The following RANBP2 variants were observed in gnomAD, a reference collection of about 807,000 sequenced individuals.
RANBP2 encodes E3 SUMO-protein ligase RanBP2.
RANBP2 carries 57 observed loss-of-function variants against 303.6 expected under a neutral mutation model. The observed-to-expected ratio is 0.19, with a 90% CI of 0.15 to 0.23. The LOEUF is 0.23. RANBP2 is among the 10% of genes least tolerant of loss of function. RANBP2 has a pLI of 1.00. For missense variants in RANBP2, 3,138 were observed against 3,780.8 expected (o/e 0.83, Z 4.46); for synonymous variants, 1,167 against 1,301.5 (o/e 0.90, Z 2.23).
chr2:109,259,259 C>G, the RANBP2 span, among the ~76,000 whole-genome samples: 1 of 152,244 alleles, frequency 6.6e-6, no homozygotes, highest in Non-Finnish European at 1.5e-5. Flanking sequence ...GCACCCAGAC[C>G]TGCAGCTGCT....
At chr2:109,332,653 T>C in the RANBP2 span, among the ~76,000 whole-genome samples, 9 of 152,108 alleles carry the variant, frequency 5.9e-5, no homozygotes, top group Non-Finnish European at 1.2e-4. Flanking sequence ...ATCCTCTAAT[T>C]TGCCAGGCAG....
chr2:108,939,241 G>A, the RANBP2 span, among the ~76,000 whole-genome samples: 5 of 152,012 alleles, frequency 3.3e-5, no homozygotes, highest in South Asian at 2.1e-4. Flanking sequence ...GTAGTGGCAC[G>A]ATCTCAGCTC....
chr2:109,331,359 C>T, the RANBP2 span, among the ~76,000 whole-genome samples: 55,983 of 151,898 alleles, frequency 0.37, 11,880 homozygotes, highest in Non-Finnish European at 0.48. Context: ...CTGCCTCCCT[C>T]CTCTCCCCTT....
the RANBP2 span, among the ~76,000 whole-genome samples, chr2:109,441,917 T>C: frequency 6.6e-6 from 1 of 152,028 alleles, no homozygotes; most frequent in African/African-American, 2.4e-5. Context: ...AATATAGCTG[T>C]CAATCTAGTA....
chr2:108,819,049 A>G, the RANBP2 span, among the ~76,000 whole-genome samples: 1 of 152,344 alleles, frequency 6.6e-6, no homozygotes, highest in South Asian at 2.1e-4. Context: ...ACAAGTAAAG[A>G]TTGTAAAATT....
downstream of RANBP2, chr2:108,788,715 G>T: frequency 1.6e-6 from 2 of 1,229,616 alleles, no homozygotes; most frequent in Non-Finnish European, 2.2e-6. Context: ...GCGAGACTCC[G>T]TCTCAAAGAA....
chr2:109,183,893 G>T, the RANBP2 span, among the ~76,000 whole-genome samples: 1 of 152,210 alleles, frequency 6.6e-6, no homozygotes, highest in Non-Finnish European at 1.5e-5. Flanking sequence ...AGGAAAGTGG[G>T]CTCTAGAATC....
the RANBP2 span, among the ~76,000 whole-genome samples, chr2:109,184,184 C>T: frequency 2.6e-5 from 4 of 152,152 alleles, no homozygotes; most frequent in Non-Finnish European, 5.9e-5. Context: ...TGGGTAAATC[C>T]ATATCTCCTC....
At chr2:109,157,163 A>G in the RANBP2 span, among the ~76,000 whole-genome samples, 1 of 152,142 alleles carries the variant, frequency 6.6e-6, no homozygotes, top group African/African-American at 2.4e-5. Context: ...CCAGAGTGTT[A>G]GAATGTTATC....
the RANBP2 span, among the ~76,000 whole-genome samples, chr2:109,043,089 G>A: frequency 6.6e-6 from 1 of 152,014 alleles, no homozygotes; most frequent in African/African-American, 2.4e-5. Context: ...CAGCAGGAAC[G>A]GCCACTACAA....
the RANBP2 span, among the ~76,000 whole-genome samples, chr2:108,997,335 G>A: frequency 1.3e-5 from 2 of 151,474 alleles, no homozygotes; most frequent in Non-Finnish European, 2.9e-5. Flanking sequence ...CAGCTACTCA[G>A]GAGGCTGAGG....
the RANBP2 span, among the ~76,000 whole-genome samples, chr2:108,973,876 G>C: frequency 1.3e-5 from 2 of 152,164 alleles, no homozygotes; most frequent in Non-Finnish European, 2.9e-5. Context: ...TTCAAGATGA[G>C]GATCACAGGG....
the RANBP2 span, among the ~76,000 whole-genome samples, chr2:109,374,288 C>T: frequency 6.6e-6 from 1 of 152,266 alleles, no homozygotes; most frequent in Admixed American, 6.5e-5. Flanking sequence ...CCATGCAGTA[C>T]TGGGCTCCAC....
At chr2:109,544,661 G>C in the RANBP2 span, 4 of 911,990 alleles carry the variant, frequency 4.4e-6, no homozygotes, top group East Asian at 3.5e-4. Flanking sequence ...AAGGAAAAAA[G>C]GTATTAATAA....
the RANBP2 span, among the ~76,000 whole-genome samples, chr2:109,330,041 T>C: frequency 6.6e-6 from 1 of 152,348 alleles, no homozygotes; most frequent in African/African-American, 2.4e-5. Context: ...TACAAAACAT[T>C]GAATTTCATC....
the RANBP2 span, among the ~76,000 whole-genome samples, chr2:109,463,328 T>C: frequency 6.6e-6 from 1 of 152,258 alleles, no homozygotes; most frequent in Non-Finnish European, 1.5e-5. Context: ...TATTACCACC[T>C]GGTCGGCCTT....
chr2:108,837,500 A>G, the RANBP2 span, among the ~76,000 whole-genome samples: 2 of 152,210 alleles, frequency 1.3e-5, no homozygotes, highest in African/African-American at 4.8e-5. Context: ...AATGGAGCAA[A>G]GAAAAAAAGA....
At chr2:109,201,485 C>T in the RANBP2 span, among the ~76,000 whole-genome samples, 2 of 152,210 alleles carry the variant, frequency 1.3e-5, no homozygotes, top group Non-Finnish European at 2.9e-5. Flanking sequence ...TTATCTCTCT[C>T]TCCCCCTGGC....
At chr2:109,616,983 A>G in the RANBP2 span, 1 of 166,908 alleles carries the variant, frequency 6.0e-6, no homozygotes, top group African/African-American at 2.4e-5. Context: ...AACCCTATTT[A>G]ATGGTGCTTA....
Sources: gnomAD v4.1 joint callset for allele counts (sites outside exome capture counted in the v4.1 genomes callset) on GRCh38, gnomAD v4.1.1 for gene constraint, MANE v1.5 for transcripts, NCBI Gene and HGNC (gene_info 2026-07-23, HGNC 2026-07-21) for gene names.